Variants in CHD4 observed in about 807,000 individuals in gnomAD.
The protein encoded by CHD4 is chromodomain helicase DNA binding protein 4, also known as ATP-dependent chromatin remodeler CHD4.
CHD4 carries 35 observed loss-of-function variants against 235.5 expected under a neutral mutation model. That is an observed-to-expected ratio of 0.15 (90% confidence interval 0.11 to 0.20). CHD4 has a LOEUF of 0.20. Among genes scored for constraint, CHD4 ranks in the 10% least tolerant of loss-of-function variants. The pLI, the probability that CHD4 is intolerant of heterozygous loss-of-function variation, is 1.00. For missense variants in CHD4, 1,329 were observed against 2,432.3 expected (o/e 0.55, Z 9.54); for synonymous variants, 900 against 850.2 (o/e 1.06, Z -1.02).
At chr12:6,576,626 G>A (rs557017772) in intron 37 of CHD4, among the ~76,000 whole-genome samples, 43 of 151,948 alleles carry the variant, frequency 2.8e-4, no homozygotes, top group Non-Finnish European at 3.2e-4. Flanking sequence ...TGTCTTTTTT[G>A]AGGTGAGTCT....
At position 6,582,644 on chromosome 12, in the gene CHD4, G is replaced by A. The variant is rs1482498383; in HGVS notation, c.4341C>T (p.Asp1447=). ...DAFTTQWLVR[D]LRGKSEKEFK... ...ACTCTTTCTCTGATTTGCCTCGCAG[G>A]TCTCTTACAAGCCACTGGGTAGTAA... Residue 1447 remains aspartate, a synonymous_variant, in exon 29 of 40, where the codon GAC becomes GAT. Coordinates refer to ENST00000544040, the MANE Select transcript of CHD4 (RefSeq NM_001273.5). 2.5e-6 allele frequency: 4 copies of A among 1,613,730 alleles called. No homozygotes were observed. Among genetic ancestry groups the A allele is most frequent in the East Asian group, 2.2e-5 (1 of 44,874 alleles).
intron 7 of CHD4, 90 bp from the exon 8 acceptor site, chr12:6,600,759 C>G (rs1592281957): frequency 6.5e-7 from 1 of 1,543,920 alleles, no homozygotes; most frequent in South Asian, 1.2e-5. Flanking sequence ...ACTGGGGACA[C>G]CAGAATCCCA....
chr12:6,589,079 C>T (rs1948348809), intron 22 of CHD4, among the ~76,000 whole-genome samples: 1 of 151,780 alleles, frequency 6.6e-6, no homozygotes, highest in Non-Finnish European at 1.5e-5. Context: ...GAAACCCTGC[C>T]TACTAAAAAT....
At chr12:6,601,873 G>A in intron 4 of CHD4, 87 bp downstream of exon 4, 1 of 1,568,182 alleles carries the variant, frequency 6.4e-7, no homozygotes. Flanking sequence ...GAAAAGAAGA[G>A]AAAGTGTTCT....
intron 24 of CHD4, 51 bp downstream of exon 24, chr12:6,587,661 C>A (rs1948323598): frequency 6.2e-7 from 1 of 1,606,796 alleles, no homozygotes; most frequent in Non-Finnish European, 8.5e-7. Flanking sequence ...TCTCCCTAAC[C>A]TTTAGAGAGG....
chr12:6,597,869 C>G (rs139597116), intron 12 of CHD4, 25 bp downstream of exon 12: 2 of 1,599,466 alleles, frequency 1.3e-6, no homozygotes, highest in Admixed American at 1.7e-5. Flanking sequence ...GGAGACTGCC[C>G]GTCTCCCGTG....
chr12:6,578,619 T>TATG, intron 34 of CHD4, 73 bp from the exon 35 acceptor site: 1 of 1,598,412 alleles, frequency 6.3e-7, no homozygotes, highest in Non-Finnish European at 8.5e-7. Flanking sequence ...CAGAACACTG[T>TATG]ATGCTACAAG....
rs561440826 is a variant in CHD4, at chr12:6,587,269, T to C, written c.3879+115A>G. On this transcript the variant is annotated intron_variant, in intron 25 of 39. Transcript: ENST00000544040. The stretch of plus-strand genomic sequence containing the variant: ...TTTTCAAAGGAAGAGGATCAATTCA[T>C]CAACATAAGAATTTGCCTACAGATA... 6 of 995,412 alleles carry C rather than the reference T, an allele frequency of 6.0e-6. No homozygotes were observed. The Admixed American group carries it at 1.4e-4, about 24-fold the overall frequency. 61.7% of individuals were successfully genotyped at this position (995,412 alleles called of 1,614,324 possible). A position where few individuals can be genotyped will look rare whatever the true frequency, so the allele number is the denominator to read the frequency against.
chr12:6,597,856 C>T (rs750784889), intron 12 of CHD4, 38 bp downstream of exon 12: 2 of 1,568,360 alleles, frequency 1.3e-6, no homozygotes, highest in South Asian at 2.2e-5. Context: ...AGGACTCTCC[C>T]ACGGAGACTG....
intron 10 of CHD4, among the ~76,000 whole-genome samples, chr12:6,598,956 G>A (rs905276957): frequency 6.6e-6 from 1 of 152,216 alleles, no homozygotes; most frequent in Non-Finnish European, 1.5e-5. Flanking sequence ...TGCTCAACCT[G>A]TAATAGAATT....
chr12:6,570,766 T>C lies in CHD4; in HGVS notation c.5722-73A>G, dbSNP rs898236652. Reference sequence around the variant, plus strand: ...ACCCAATCTCAAGGGAATTCACTGATAGGCCACCCACCCAGTATGTAAAGC... The same window carrying C: ...ACCCAATCTCAAGGGAATTCACTGACAGGCCACCCACCCAGTATGTAAAGC... On this transcript the variant is annotated intron_variant, in intron 39 of 39. Coordinates refer to ENST00000544040, the MANE Select transcript of CHD4 (RefSeq NM_001273.5). 4.0e-5 allele frequency: 64 copies of C among 1,612,418 alleles called. No homozygotes were observed. The Admixed American group carries it at 1.0e-3, about 25-fold the overall frequency.
chr12:6,585,572 A>T (rs985189419), intron 25 of CHD4, among the ~76,000 whole-genome samples: 3 of 150,984 alleles, frequency 2.0e-5, no homozygotes, highest in Non-Finnish European at 4.4e-5. Flanking sequence ...GTGAGCCACC[A>T]CGTCTGGCCC....
In CHD4 at chr12:6,581,191, A is replaced by C. The variant is rs764120768; in HGVS notation, c.4780-18T>G. 2 of 1,610,408 alleles carry C rather than the reference A, an allele frequency of 1.2e-6. No individual in the cohort carries two copies. Among genetic ancestry groups the C allele is most frequent in the Admixed American group, 3.4e-5 (2 of 58,858 alleles). The stretch of plus-strand genomic sequence containing the variant: ...TGTGTACACTTCAAAGGAAAAAAAA[A>C]CAAAAACAAAACAGATGAAGCAGAC... On this transcript the variant is annotated intron_variant, in intron 32 of 39. Transcript: ENST00000544040.
intron 6 of CHD4, 86 bp downstream of exon 6, chr12:6,601,203 G>C (rs757499258): frequency 1.3e-6 from 2 of 1,567,690 alleles, no homozygotes; most frequent in Admixed American, 1.8e-5. Flanking sequence ...TCCTACCTTA[G>C]GGCTGACAGA....
chr12:6,573,500 T>C (rs887713342), intron 37 of CHD4: 5 of 325,398 alleles, frequency 1.5e-5, no homozygotes, highest in Middle Eastern at 8.1e-4. Flanking sequence ...GGTTCTCTTA[T>C]ACAAAAGCGA....
Position 6,591,245 on chromosome 12 carries a change from T to C in CHD4, c.3340+221A>G, listed in dbSNP as rs1948394656. 6.6e-6 allele frequency: 3 copies of C among 454,536 alleles called. No homozygotes were observed. The South Asian group carries it at 1.0e-4, about 15-fold the overall frequency. The allele number at this position is 454,536 out of a possible 1,614,324, so 28.2% of individuals were successfully genotyped here. A position where few individuals can be genotyped will look rare whatever the true frequency, so the allele number is the denominator to read the frequency against. ...CCCTTTGCTTGCCCTCGAGATACAATGCTTTCTTCTTTCTAGCAGAAAGAA... is the reference window on the plus strand; with the variant it reads ...CCCTTTGCTTGCCCTCGAGATACAACGCTTTCTTCTTTCTAGCAGAAAGAA... On this transcript the variant is annotated intron_variant, in intron 22 of 39. Coordinates refer to ENST00000544040, the MANE Select transcript of CHD4 (RefSeq NM_001273.5).
chr12:6,601,840 A>T (rs940412307), intron 4 of CHD4, 74 bp from the exon 5 acceptor site: 1 of 1,568,176 alleles, frequency 6.4e-7, no homozygotes, highest in Non-Finnish European at 8.8e-7. Flanking sequence ...TGTGTGGAAA[A>T]ATCAGAGTAA....
chr12:6,570,838 A>G (rs1427672476), intron 39 of CHD4, 31 bp downstream of exon 39: 1 of 1,613,636 alleles, frequency 6.2e-7, no homozygotes, highest in East Asian at 2.2e-5. Flanking sequence ...TTCTGCAGGA[A>G]GAGGTGGTGT....
In CHD4 at chr12:6,578,091, G is replaced by C. The variant is rs777491233; in HGVS notation, c.5166C>G (p.Thr1722=). 6.2e-7 allele frequency: 1 copy of C among 1,613,294 alleles called. No homozygotes were observed. The highest frequency in any genetic ancestry group is 1.1e-5 in the South Asian group (1 of 91,084). The part of the protein sequence containing the change: ...WQNEERAATV[T]KKTYEIWHRR... ...GATGCCAGATCTCATAAGTCTTCTT[G>C]GTAACTGTGGCTGCCCGCTCTTCAT... The change falls in exon 36 of 40, where the codon ACC becomes ACG. Residue 1722 remains threonine (T), a synonymous_variant. Coordinates refer to ENST00000544040, the MANE Select transcript of CHD4 (RefSeq NM_001273.5).
Sources: gnomAD v4.1 joint callset for allele counts (sites outside exome capture counted in the v4.1 genomes callset) on GRCh38, gnomAD v4.1.1 for gene constraint, MANE v1.5 for transcripts, NCBI Gene and HGNC (gene_info 2026-07-23, HGNC 2026-07-21) for gene names.